Variants in DPP10 observed in about 807,000 individuals in gnomAD.
DPP10 encodes the protein inactive dipeptidyl peptidase 10.
DPP10 carries 33 observed loss-of-function variants against 120.9 expected under a neutral mutation model. The observed-to-expected ratio is 0.27, with a 90% CI of 0.21 to 0.37. The LOEUF is 0.37. Ranked by LOEUF, DPP10 falls within the 10% of genes least tolerant of loss-of-function variation. The pLI, the probability that DPP10 is intolerant of heterozygous loss-of-function variation, is 1.00. For missense variants in DPP10, 816 were observed against 942.8 expected, an observed-to-expected ratio of 0.87 and a Z score of 1.76; for synonymous variants, 337 against 326.1, an observed-to-expected ratio of 1.03 and a Z score of -0.36.
At chr2:115,130,570 T>A (rs1028484734) in intron 1 of DPP10, among the ~76,000 whole-genome samples, 1 of 151,776 alleles carries the variant, frequency 6.6e-6, no homozygotes, top group Non-Finnish European at 1.5e-5. Context: ...TTTTTTAATC[T>A]CTCTATACAT....
chr2:114,965,700 C>T (rs1010803349), intron 1 of DPP10, among the ~76,000 whole-genome samples: 9 of 151,574 alleles, frequency 5.9e-5, no homozygotes, highest in Non-Finnish European at 7.4e-5. Flanking sequence ...AAGAGGAGGC[C>T]GGGCGCGGTG....
intron 1 of DPP10, among the ~76,000 whole-genome samples, chr2:114,804,233 A>C (rs1030074943): frequency 6.6e-6 from 1 of 152,216 alleles, no homozygotes; most frequent in Non-Finnish European, 1.5e-5. Context: ...ATTTCAGAAG[A>C]TGTATGGAAA....
At chr2:114,811,838 A>C (rs1437521600) in intron 1 of DPP10, among the ~76,000 whole-genome samples, 1 of 152,190 alleles carries the variant, frequency 6.6e-6, no homozygotes, top group Non-Finnish European at 1.5e-5. Context: ...GAAAAGATAC[A>C]ATTTCTTTTT....
intron 1 of DPP10, among the ~76,000 whole-genome samples, chr2:114,653,299 G>A (rs1427383433): frequency 3.3e-5 from 5 of 152,096 alleles, no homozygotes; most frequent in African/African-American, 9.7e-5. Context: ...TGAGAGTGAT[G>A]CACCTGTAGC....
At chr2:114,471,060 C>G (rs1333316396) in intron 1 of DPP10, among the ~76,000 whole-genome samples, 1 of 152,160 alleles carries the variant, frequency 6.6e-6, no homozygotes. Flanking sequence ...AGAGCTTTTG[C>G]ATTAAACTAT....
At chr2:115,594,474 C>T (rs1405314587) in intron 5 of DPP10, among the ~76,000 whole-genome samples, 1 of 152,082 alleles carries the variant, frequency 6.6e-6, no homozygotes, top group Non-Finnish European at 1.5e-5. Flanking sequence ...CAAAAAAAGT[C>T]ATAAAAAATT....
At chr2:115,399,536 G>A (rs1011056799) in intron 3 of DPP10, among the ~76,000 whole-genome samples, 1 of 152,028 alleles carries the variant, frequency 6.6e-6, no homozygotes, top group Non-Finnish European at 1.5e-5. Context: ...TTTTTAGCCC[G>A]AATTATTAAA....
chr2:114,612,347 C>T (rs1693349394), intron 1 of DPP10, among the ~76,000 whole-genome samples: 1 of 152,168 alleles, frequency 6.6e-6, no homozygotes, highest in Non-Finnish European at 1.5e-5. Context: ...TGGAAGGATT[C>T]CAAATCCCAA....
intron 2 of DPP10, among the ~76,000 whole-genome samples, chr2:115,334,228 C>CTTTTTTTTT (rs1393213758): frequency 4.5e-5 from 1 of 22,326 alleles, no homozygotes; most frequent in Non-Finnish European, 1.3e-4. Flanking sequence ...AGAGCAGACT[C>CTTTTTTTTT]TGTTTTTTTT....
chr2:115,386,325 G>A (rs1422244457), intron 3 of DPP10, among the ~76,000 whole-genome samples: 1 of 152,020 alleles, frequency 6.6e-6, no homozygotes, highest in Non-Finnish European at 1.5e-5. Flanking sequence ...ACAGAGAAAA[G>A]GCAGATTAAC....
intron 1 of DPP10, among the ~76,000 whole-genome samples, chr2:115,249,340 C>A (rs2058661836): frequency 6.6e-6 from 1 of 152,032 alleles, no homozygotes; most frequent in Admixed American, 6.6e-5. Flanking sequence ...TTAGTTGGAC[C>A]TTTATAATAG....
At chr2:114,622,263 C>G (rs183156497) in intron 1 of DPP10, among the ~76,000 whole-genome samples, 9 of 151,950 alleles carry the variant, frequency 5.9e-5, no homozygotes, top group Non-Finnish European at 1.3e-4. Context: ...ACAAAATGAG[C>G]ATTATTATCT....
At chr2:114,646,452 A>G (rs573953006) in intron 1 of DPP10, among the ~76,000 whole-genome samples, 16 of 152,322 alleles carry the variant, frequency 1.1e-4, no homozygotes, top group African/African-American at 2.6e-4. Context: ...GCCCAAGGCC[A>G]GACTCCATGG....
chr2:115,331,522 C>T (rs896137171), intron 2 of DPP10, among the ~76,000 whole-genome samples: 2 of 152,096 alleles, frequency 1.3e-5, no homozygotes, highest in Admixed American at 6.6e-5. Context: ...GGAATGCTCC[C>T]AGTTTTTGCC....
At chr2:114,489,696 T>G (rs1681818279) in intron 1 of DPP10, among the ~76,000 whole-genome samples, 1 of 152,124 alleles carries the variant, frequency 6.6e-6, no homozygotes, top group South Asian at 2.1e-4. Context: ...TGGGAGCATA[T>G]GAAGTTGGTA....
intron 3 of DPP10, among the ~76,000 whole-genome samples, chr2:115,363,095 A>G (rs555643430): frequency 5.6e-4 from 85 of 152,256 alleles, no homozygotes; most frequent in African/African-American, 2.0e-3. Flanking sequence ...GCTTAAACCT[A>G]TCTGGTCTCT....
At chr2:115,002,295 AGG>A (rs1701496522) in intron 1 of DPP10, among the ~76,000 whole-genome samples, 2 of 152,198 alleles carry the variant, frequency 1.3e-5, no homozygotes, top group African/African-American at 2.4e-5. Flanking sequence ...TTCAATAAAT[AGG>A]GCTGAGATAA....
At chr2:115,364,450 C>T (rs752508569) in intron 3 of DPP10, among the ~76,000 whole-genome samples, 4 of 151,986 alleles carry the variant, frequency 2.6e-5, no homozygotes, top group Admixed American at 6.6e-5. Context: ...AAAGAGGAGC[C>T]GTTGTTGCTT....
intron 1 of DPP10, among the ~76,000 whole-genome samples, chr2:115,026,280 G>A (rs1372798028): frequency 2.0e-5 from 3 of 152,008 alleles, no homozygotes; most frequent in Non-Finnish European, 4.4e-5. Flanking sequence ...TTTTTGAAGA[G>A]ACTGTCTTTT....
Sources: allele counts gnomAD v4.1 joint callset (sites outside exome capture counted in the v4.1 genomes callset), GRCh38; gene constraint gnomAD v4.1.1; transcripts MANE v1.5; gene names NCBI Gene and HGNC (gene_info 2026-07-23, HGNC 2026-07-21).